GABBR2: variants seen among roughly 807,000 people sequenced by gnomAD.
GABBR2 encodes G-protein coupled receptor 51.
Under a neutral mutation model 105.6 loss-of-function variants are expected in GABBR2, and 23 were observed. The ratio of observed to expected loss-of-function variants is 0.22; its 90% CI spans 0.16 to 0.31. The LOEUF is 0.31. Ranked by LOEUF, GABBR2 falls within the 10% of genes least tolerant of loss-of-function variation. The pLI, the probability that GABBR2 is intolerant of heterozygous loss-of-function variation, is 1.00. For synonymous variants in GABBR2, 478 were observed against 499.7 expected (o/e 0.96, Z 0.58); for missense variants, 734 against 1,245.5 (o/e 0.59, Z 6.18).
chr9:98,445,476 G>T (rs1286587283), intron 7 of GABBR2, among the ~76,000 whole-genome samples: 4 of 152,234 alleles, frequency 2.6e-5, no homozygotes, highest in Non-Finnish European at 4.4e-5. Context: ...CTTAGATGGG[G>T]TCCTCCAGAA....
intron 6 of GABBR2, among the ~76,000 whole-genome samples, chr9:98,456,566 C>T (rs1021849529): frequency 5.3e-5 from 8 of 152,192 alleles, no homozygotes; most frequent in Non-Finnish European, 1.2e-4. Context: ...TGAGGTACCA[C>T]CAGAATCTCA....
Position 98,403,746 on chromosome 9 carries a change from GAAA to G in GABBR2, c.1297+2332_1297+2334del, listed in dbSNP as rs200851464. 4.6e-5 allele frequency among the ~76,000 whole-genome samples: 6 copies of G among 131,392 alleles called. No individual in the cohort carries two copies. In the East Asian group the frequency reaches 6.9e-4, roughly 15 times the overall value. The allele number at this position is 131,392 out of a possible 152,430, so 86.2% of individuals were successfully genotyped here. On this transcript the variant is annotated intron_variant, in intron 8 of 18. Transcript: ENST00000259455. ...ATCATAATTGCTACTTACTTGCTGAGAAAAAAAAAAATATATATATATATACAT... is the reference window on the plus strand; with the variant it reads ...ATCATAATTGCTACTTACTTGCTGAGAAAAAAAATATATATATATATACAT...
At chr9:98,328,252 T>C (rs1466910714) in intron 13 of GABBR2, among the ~76,000 whole-genome samples, 1 of 152,016 alleles carries the variant, frequency 6.6e-6, no homozygotes, top group Non-Finnish European at 1.5e-5. Flanking sequence ...CTAGGGTATA[T>C]GGGGTTCTTT....
intron 13 of GABBR2, among the ~76,000 whole-genome samples, chr9:98,340,647 T>C (rs1240771166): frequency 6.6e-6 from 1 of 152,182 alleles, no homozygotes; most frequent in Non-Finnish European, 1.5e-5. Context: ...TACCTAATCT[T>C]GCTCATCAGA....
chr9:98,653,769 AC>A (rs1830141873), intron 1 of GABBR2, among the ~76,000 whole-genome samples: 1 of 151,570 alleles, frequency 6.6e-6, no homozygotes, highest in East Asian at 1.9e-4. Flanking sequence ...ACACAAACAC[AC>A]CTCTTTTTAT....
At chr9:98,607,108 G>A (rs1439535529) in intron 1 of GABBR2, 5 of 1,604,790 alleles carry the variant, frequency 3.1e-6, no homozygotes, top group African/African-American at 1.3e-5. Context: ...GGTAGTGGGT[G>A]GAACAATCCA....
intron 7 of GABBR2, among the ~76,000 whole-genome samples, chr9:98,411,179 C>T (rs530086653): frequency 1.2e-4 from 19 of 152,214 alleles, no homozygotes; most frequent in Non-Finnish European, 2.4e-4. Flanking sequence ...ATGTTGCTAA[C>T]GTCAAAGAAA....
chr9:98,449,864 C>T (rs958940572), intron 7 of GABBR2, among the ~76,000 whole-genome samples: 1 of 152,102 alleles, frequency 6.6e-6, no homozygotes, highest in African/African-American at 2.4e-5. Flanking sequence ...ATGTACGGCA[C>T]CCCCAAGTCA....
In GABBR2 at chr9:98,682,255, A is replaced by C. The variant is rs181541051; in HGVS notation, c.321+26162T>G. On this transcript the variant is annotated intron_variant, in intron 1 of 18. Transcript: ENST00000259455. Reference sequence around the variant, plus strand: ...GAAAAAAAAAACAAAACAAAAAAAAACCCAAAACAAACAAAAAACCGTATA... The same window carrying C: ...GAAAAAAAAAACAAAACAAAAAAAACCCCAAAACAAACAAAAAACCGTATA... 4.9e-3 allele frequency among the ~76,000 whole-genome samples: 742 copies of C among 151,278 alleles called. 4 individuals are homozygous for C. Among genetic ancestry groups the C allele is most frequent in the African/African-American group, 0.015 (618 of 41,286 alleles).
At position 98,674,429 on chromosome 9, in the gene GABBR2, G is replaced by A. The variant is rs113197805; in HGVS notation, c.321+33988C>T. Among the ~76,000 whole-genome samples, 597 of 138,108 alleles carry A rather than the reference G, an allele frequency of 4.3e-3. 4 individuals carry two copies. Among genetic ancestry groups the A allele is most frequent in the African/African-American group, 0.016 (570 of 35,788 alleles). The allele number at this position is 138,108 out of a possible 152,430, so 90.6% of individuals were successfully genotyped here. On this transcript the variant is annotated intron_variant, in intron 1 of 18. Transcript: ENST00000259455. ...TTTTCACTTCAAAGTGCTGGCTCCT[G>A]GTCTAGGGGCCCTGAGTGCTGGGTG...
intron 4 of GABBR2, among the ~76,000 whole-genome samples, chr9:98,482,777 T>TGTAGCTG (rs1349088742): frequency 2.0e-5 from 3 of 152,168 alleles, no homozygotes; most frequent in African/African-American, 7.2e-5. Context: ...CCTTGCCCAG[T>TGTAGCTG]GGTTGTCAAT....
At chr9:98,601,055 C>T (rs1829324099) in intron 1 of GABBR2, among the ~76,000 whole-genome samples, 1 of 152,224 alleles carries the variant, frequency 6.6e-6, no homozygotes, top group Non-Finnish European at 1.5e-5. Context: ...TCCCAGTAAA[C>T]AGGACTGACC....
intron 2 of GABBR2, among the ~76,000 whole-genome samples, chr9:98,566,159 G>C (rs908412017): frequency 8.5e-5 from 13 of 152,164 alleles, no homozygotes; most frequent in South Asian, 4.1e-4. Flanking sequence ...GACTTTCCTG[G>C]TTTGAATACT....
chr9:98,437,550 C>T (rs1053210395), intron 7 of GABBR2, among the ~76,000 whole-genome samples: 1 of 151,774 alleles, frequency 6.6e-6, no homozygotes, highest in African/African-American at 2.4e-5. Context: ...CCTATCTACA[C>T]ATCTATCCTT....
chr9:98,366,706 T>C (rs113824634), intron 12 of GABBR2, among the ~76,000 whole-genome samples: 11 of 152,344 alleles, frequency 7.2e-5, no homozygotes, highest in African/African-American at 2.2e-4. Context: ...TGAGCTCTCC[T>C]GTCGTCTTTA....
intron 3 of GABBR2, among the ~76,000 whole-genome samples, chr9:98,505,423 G>GGTGTGTGT (rs59702034): frequency 0.013 from 1,987 of 148,476 alleles, 39 homozygotes; most frequent in African/African-American, 0.042. Flanking sequence ...GCTGTATCCA[G>GGTGTGTGT]GTGTGTGTGT....
chr9:98,661,303 G>A (rs748579064), intron 1 of GABBR2, among the ~76,000 whole-genome samples: 2 of 152,158 alleles, frequency 1.3e-5, no homozygotes, highest in East Asian at 1.9e-4. Flanking sequence ...ATCTTGAGGC[G>A]AGGCATTATT....
chr9:98,525,186 T>C (rs1421368201), intron 3 of GABBR2, among the ~76,000 whole-genome samples: 1 of 151,524 alleles, frequency 6.6e-6, no homozygotes, highest in Admixed American at 6.6e-5. Flanking sequence ...TTAAAAACTT[T>C]TGTGCAAAAA....
chr9:98,641,197 G>T (rs1292722067), intron 1 of GABBR2, among the ~76,000 whole-genome samples: 1 of 149,654 alleles, frequency 6.7e-6, no homozygotes, highest in African/African-American at 2.5e-5. Flanking sequence ...GCAGTGGCAC[G>T]ATCTCGGCTC....
Sources: allele counts gnomAD v4.1 joint callset (sites outside exome capture counted in the v4.1 genomes callset), GRCh38; gene constraint gnomAD v4.1.1; transcripts MANE v1.5; gene names NCBI Gene and HGNC (gene_info 2026-07-23, HGNC 2026-07-21).